ERBB4: variants seen among roughly 807,000 people sequenced by gnomAD.
ERBB4 encodes receptor tyrosine-protein kinase erbB-4.
A neutral mutation model predicts 158.0 loss-of-function variants in ERBB4; 42 were observed. The ratio of observed to expected loss-of-function variants is 0.27; its 90% CI spans 0.21 to 0.34. ERBB4 has a LOEUF of 0.34. Ranked by LOEUF, ERBB4 falls within the 10% of genes least tolerant of loss-of-function variation. The pLI is 1.00. For synonymous variants in ERBB4, 583 were observed against 558.7 expected, an observed-to-expected ratio of 1.04 and a Z score of -0.61; for missense variants, 1,333 against 1,624.1, an observed-to-expected ratio of 0.82 and a Z score of 3.08.
intron 12 of ERBB4, among the ~76,000 whole-genome samples, chr2:211,682,652 A>G (rs1223848094): frequency 6.6e-6 from 1 of 152,176 alleles, no homozygotes; most frequent in African/African-American, 2.4e-5. Flanking sequence ...TGAAATTTGC[A>G]TATTTATAAG....
intron 18 of ERBB4, among the ~76,000 whole-genome samples, chr2:211,622,682 C>T (rs1046448600): frequency 7.3e-5 from 11 of 151,560 alleles, no homozygotes; most frequent in South Asian, 4.2e-4. Flanking sequence ...ATATTAAATG[C>T]CAGCCGGGCA....
chr2:212,537,625 C>CA (rs1467175565), intron 1 of ERBB4, among the ~76,000 whole-genome samples: 2 of 152,096 alleles, frequency 1.3e-5, no homozygotes, highest in Non-Finnish European at 2.9e-5. Flanking sequence ...CCTGGCCGGG[C>CA]AGTAAACAGA....
rs76419527 is a variant in ERBB4 at position 212,336,252 on chromosome 2, A to G, written c.82+202197T>C. 1.7e-4 allele frequency among the ~76,000 whole-genome samples: 26 copies of G among 152,162 alleles called. No homozygotes were observed. In the East Asian group the frequency reaches 4.8e-3, roughly 28 times the overall value. ...GGACTTGACTTGGTTTCTAACTTTT[A>G]GCATTTAAATAATCTTTCTGCCATC... On this transcript the variant is annotated intron_variant, in intron 1 of 27. Coordinates refer to ENST00000342788, the MANE Select transcript of ERBB4 (RefSeq NM_005235.3).
chr2:211,856,669 G>A (rs906536436), intron 3 of ERBB4, among the ~76,000 whole-genome samples: 1 of 152,108 alleles, frequency 6.6e-6, no homozygotes, highest in African/African-American at 2.4e-5. Flanking sequence ...TTACAGGCGT[G>A]AGCCACTGCG....
chr2:211,896,897 C>T (rs1192697596), intron 3 of ERBB4, among the ~76,000 whole-genome samples: 3 of 151,880 alleles, frequency 2.0e-5, no homozygotes, highest in Non-Finnish European at 4.4e-5. Context: ...TTTATTTGGT[C>T]TTGTTAACAA....
intron 20 of ERBB4, among the ~76,000 whole-genome samples, chr2:211,491,852 G>T (rs1398168605): frequency 6.6e-6 from 1 of 152,020 alleles, no homozygotes; most frequent in Non-Finnish European, 1.5e-5. Context: ...TATCCAGTAA[G>T]AACTTGATAA....
chr2:211,534,159 A>C (rs2066580507), intron 20 of ERBB4, among the ~76,000 whole-genome samples: 1 of 152,036 alleles, frequency 6.6e-6, no homozygotes, highest in East Asian at 1.9e-4. Flanking sequence ...CTGTGTAAGT[A>C]ATTATTTCTT....
intron 2 of ERBB4, among the ~76,000 whole-genome samples, chr2:211,992,587 G>T (rs2082106496): frequency 6.8e-6 from 1 of 147,932 alleles, no homozygotes; most frequent in Admixed American, 6.7e-5. Flanking sequence ...AAAAACATGA[G>T]TTTGTCAGGG....
At chr2:212,234,790 T>C (rs2083796909) in intron 1 of ERBB4, among the ~76,000 whole-genome samples, 4 of 152,198 alleles carry the variant, frequency 2.6e-5, no homozygotes, top group African/African-American at 4.8e-5. Context: ...TTTTGAGAAA[T>C]GTCTGTTCGT....
intron 3 of ERBB4, among the ~76,000 whole-genome samples, chr2:211,902,423 C>T (rs1478449231): frequency 1.3e-5 from 2 of 151,914 alleles, no homozygotes; most frequent in African/African-American, 2.4e-5. Context: ...TCCTATTTCA[C>T]ACCAACTAAT....
chr2:211,946,166 C>T lies in ERBB4; in HGVS notation c.421+1264G>A, dbSNP rs190294563. The stretch of plus-strand genomic sequence containing the variant: ...GAATCTATAAATTCTGAACAATTTG[C>T]ATTCACCATTATTTCATCAACTCTA... On this transcript the variant is annotated intron_variant, in intron 3 of 27. Coordinates refer to ENST00000342788, the MANE Select transcript of ERBB4 (RefSeq NM_005235.3). Among the ~76,000 whole-genome samples the T allele has an allele frequency of 1.4e-3, 216 of 152,036 alleles. 2 individuals are homozygous for T. Among genetic ancestry groups the T allele is most frequent in the Admixed American group, 4.5e-3 (69 of 15,248 alleles).
intron 20 of ERBB4, among the ~76,000 whole-genome samples, chr2:211,485,815 C>T (rs1288759227): frequency 2.0e-5 from 3 of 151,506 alleles, no homozygotes; most frequent in Admixed American, 6.6e-5. Flanking sequence ...ATGTAACTAA[C>T]CTGCACATTG....
Position 212,269,910 on chromosome 2 carries a change from A to C in ERBB4, c.83-145007T>G, listed in dbSNP as rs991720616. Among the ~76,000 whole-genome samples the C allele has an allele frequency of 2.0e-5, 3 of 151,768 alleles. No individual in the cohort carries two copies. In the East Asian group the frequency reaches 5.8e-4, roughly 29 times the overall value. ...GTAACACCAAGTGCCTCTAAGTATC[A>C]CGTCAAAGAAATTCAATATTTCTGC... On this transcript the variant is annotated intron_variant, in intron 1 of 27. Transcript: ENST00000342788.
chr2:211,934,737 AT>A (rs1473679042), intron 3 of ERBB4, among the ~76,000 whole-genome samples: 1 of 151,992 alleles, frequency 6.6e-6, no homozygotes, highest in Non-Finnish European at 1.5e-5. Context: ...CAATTAGGGC[AT>A]TTCAATCCAC....
chr2:211,525,144 G>A (rs1277153414), intron 20 of ERBB4, among the ~76,000 whole-genome samples: 1 of 152,106 alleles, frequency 6.6e-6, no homozygotes, highest in Non-Finnish European at 1.5e-5. Flanking sequence ...GCAAGTCCTA[G>A]TGCTGAGCTA....
intron 1 of ERBB4, among the ~76,000 whole-genome samples, chr2:212,329,937 A>C (rs1236836968): frequency 1.3e-5 from 2 of 152,202 alleles, no homozygotes; most frequent in East Asian, 1.9e-4. Context: ...AGTGTTACTG[A>C]GGATGTTCTA....
intron 2 of ERBB4, among the ~76,000 whole-genome samples, chr2:212,072,062 T>C (rs1444984125): frequency 6.6e-6 from 1 of 151,982 alleles, no homozygotes; most frequent in Non-Finnish European, 1.5e-5. Context: ...AGCAAGGCTA[T>C]ATTTTAATTA....
At chr2:211,451,019 C>T (rs918866716) in intron 20 of ERBB4, among the ~76,000 whole-genome samples, 17 of 152,178 alleles carry the variant, frequency 1.1e-4, no homozygotes, top group South Asian at 4.1e-4. Context: ...AGAATATGTA[C>T]GATAGTTAAG....
chr2:211,905,665 TATATATATATATATATAC>T (rs1472737818), intron 3 of ERBB4, among the ~76,000 whole-genome samples: 1 of 125,576 alleles, frequency 8.0e-6, no homozygotes, highest in African/African-American at 3.2e-5. Flanking sequence ...TATATATATA[TATATATATATATATATAC>T]ACACATATAT....
Sources: gnomAD v4.1 joint callset for allele counts (sites outside exome capture counted in the v4.1 genomes callset) on GRCh38, gnomAD v4.1.1 for gene constraint, MANE v1.5 for transcripts, NCBI Gene and HGNC (gene_info 2026-07-23, HGNC 2026-07-21) for gene names.